Variants in NADK observed in about 807,000 individuals in gnomAD.
NADK encodes the protein NAD kinase.
NADK carries 22 observed loss-of-function variants against 49.8 expected under a neutral mutation model. The ratio of observed to expected loss-of-function variants is 0.44; its 90% CI spans 0.32 to 0.63. NADK has a LOEUF of 0.63. Among genes scored for constraint, NADK ranks in the 30% least tolerant of loss-of-function variants. The pLI, the probability that NADK is intolerant of heterozygous loss-of-function variation, is 0.06. For synonymous variants in NADK, 268 were observed against 253.7 expected, an observed-to-expected ratio of 1.06 and a Z score of -0.54; for missense variants, 438 against 609.4, an observed-to-expected ratio of 0.72 and a Z score of 2.96.
intron 1 of NADK, 31 bp from the exon 2 acceptor site, chr1:1,765,477 A>C: frequency 9.4e-7 from 1 of 1,066,568 alleles, no homozygotes; most frequent in Non-Finnish European, 1.3e-6. Context: ...AATGTAAATA[A>C]AGTAAATAAA....
At position 1,753,596 on chromosome 1, in the gene NADK, C is replaced by T. The variant is rs768238447; in HGVS notation, c.1155G>A (p.Arg385=). Residue 385 remains arginine (R), a synonymous_variant, in exon 11 of 12, where the codon CGG becomes CGA. Coordinates refer to ENST00000341426, the MANE Select transcript of NADK (RefSeq NM_023018.5). ...CTCCATGGCGGATCTCTTGTCTCTTCCGTCCATCAAAGGACACCCATGCTG... is the reference window on the plus strand; with the variant it reads ...CTCCATGGCGGATCTCTTGTCTCTTTCGTCCATCAAAGGACACCCATGCTG... ...RNTAWVSFDG[R]KRQEIRHGDS... The T allele has an allele frequency of 1.2e-6, 2 of 1,612,774 alleles. No individual in the cohort carries two copies. Among genetic ancestry groups the T allele is most frequent in the African/African-American group, 2.7e-5 (2 of 74,934 alleles).
At chr1:1,767,970 C>T (rs958653288) in intron 1 of NADK, among the ~76,000 whole-genome samples, 1 of 151,978 alleles carries the variant, frequency 6.6e-6, no homozygotes, top group Non-Finnish European at 1.5e-5. Flanking sequence ...GTCAGGAGCT[C>T]AAGACCAGCC....
Position 1,756,594 on chromosome 1 carries a change from C to T in NADK, c.408G>A (p.Val136=). 2 of 1,614,096 alleles carry T rather than the reference C, an allele frequency of 1.2e-6. No homozygotes were observed. The highest frequency in any genetic ancestry group is 2.2e-5 in the East Asian group (1 of 44,870). Residue 136 remains valine, a synonymous_variant, in exon 5 of 12, where the codon GTG becomes GTA. Coordinates refer to ENST00000341426, the MANE Select transcript of NADK (RefSeq NM_023018.5). ...CTHLMEENMI[V]YVEKKVLEDP... ...CTTCTAGCACTTTCTTTTCCACATA[C>T]ACGATCATGTTCTCCTGGAAGCAAA...
At chr1:1,769,974 CAAAAA>C (rs1215793192) in intron 1 of NADK, among the ~76,000 whole-genome samples, 1 of 9,272 alleles carries the variant, frequency 1.1e-4, no homozygotes. Flanking sequence ...GCACTCAAAA[CAAAAA>C]CAAAAACAAA....
At chr1:1,767,669 C>T (rs1271961569) in intron 1 of NADK, among the ~76,000 whole-genome samples, 1 of 152,074 alleles carries the variant, frequency 6.6e-6, no homozygotes, top group African/African-American at 2.4e-5. Flanking sequence ...TGTGTCCTCC[C>T]CAAATTTATT....
chr1:1,757,465 C>T (rs1167569872), intron 3 of NADK, among the ~76,000 whole-genome samples, 155 bp from the exon 4 acceptor site: 3 of 152,156 alleles, frequency 2.0e-5, no homozygotes, highest in South Asian at 2.1e-4. Context: ...GGCCTAGGGT[C>T]GCGCCACAGA....
rs1401508028 is a variant in NADK, at chr1:1,752,528, CATTT to C, written c.*372_*375del. ...GCTCAAGGAAGGTTTTTGGCTGAGACATTTATTATCAACATTGAAGGACAGGTCG... is the reference window on the plus strand; with the variant it reads ...GCTCAAGGAAGGTTTTTGGCTGAGACATTATCAACATTGAAGGACAGGTCG... On this transcript the variant is annotated 3_prime_UTR_variant, in exon 12 of 12. Coordinates refer to ENST00000341426, the MANE Select transcript of NADK (RefSeq NM_023018.5). 5.8e-6 allele frequency: 1 copy of C among 172,738 alleles called. No homozygotes were observed. Among genetic ancestry groups the C allele is most frequent in the Non-Finnish European group, 1.2e-5 (1 of 81,802 alleles). The allele number at this position is 172,738 out of a possible 1,614,324, so 10.7% of individuals were successfully genotyped here.
rs552516674 is a variant in NADK at position 1,763,952 on chromosome 1, C to A, written c.179+1276G>T. On this transcript the variant is annotated intron_variant, in intron 2 of 11. Transcript: ENST00000341426. The stretch of plus-strand genomic sequence containing the variant: ...AGCAATTCTGTTCACGCAGTCACTG[C>A]GCTGGGGTGGCCTGGAGGTACAGGA... Among the ~76,000 whole-genome samples, 15 of 152,314 alleles carry A rather than the reference C, an allele frequency of 9.8e-5. 1 individual carries two copies. The East Asian group carries it at 2.7e-3, about 27-fold the overall frequency.
intron 1 of NADK, among the ~76,000 whole-genome samples, chr1:1,770,939 T>C (rs927238535): frequency 1.3e-5 from 2 of 150,908 alleles, no homozygotes; most frequent in African/African-American, 4.9e-5. Flanking sequence ...TCCCAGCTAT[T>C]TGGGAGGCTG....
chr1:1,767,090 A>C (rs1570562326), intron 1 of NADK, among the ~76,000 whole-genome samples: 1 of 151,174 alleles, frequency 6.6e-6, no homozygotes, highest in East Asian at 1.9e-4. Flanking sequence ...AATTTTTTTG[A>C]ATTTTTAGTA....
intron 3 of NADK, among the ~76,000 whole-genome samples, chr1:1,761,287 G>A (rs1049394048): frequency 6.6e-6 from 1 of 152,136 alleles, no homozygotes; most frequent in Non-Finnish European, 1.5e-5. Flanking sequence ...CACCGCAGCT[G>A]ACCAATTTTT....
chr1:1,767,471 G>A (rs1391513762), intron 1 of NADK, among the ~76,000 whole-genome samples: 1 of 152,144 alleles, frequency 6.6e-6, no homozygotes, highest in African/African-American at 2.4e-5. Context: ...AATAAAGCCA[G>A]AAATAGAATA....
intron 1 of NADK, among the ~76,000 whole-genome samples, chr1:1,776,852 G>A (rs1024088082): frequency 1.9e-4 from 29 of 151,716 alleles, no homozygotes; most frequent in African/African-American, 4.8e-4. Context: ...GGAGGCAGGA[G>A]GATCTCTTGA....
intron 1 of NADK, among the ~76,000 whole-genome samples, chr1:1,776,342 T>C (rs1477961354): frequency 6.6e-6 from 1 of 152,320 alleles, no homozygotes; most frequent in East Asian, 1.9e-4. Context: ...CAAACAGGTT[T>C]TTGTGCTAGC....
At chr1:1,765,544 A>G in intron 1 of NADK, 98 bp from the exon 2 acceptor site, 1 of 590,996 alleles carries the variant, frequency 1.7e-6, no homozygotes, top group Non-Finnish European at 2.6e-6. Flanking sequence ...TCAAGGGGAA[A>G]AAATGGCTGA....
intron 3 of NADK, chr1:1,759,829 T>C: frequency 6.4e-7 from 1 of 1,551,982 alleles, no homozygotes; most frequent in Non-Finnish European, 8.7e-7. Context: ...ACCTGTCCGG[T>C]GACCCCGCCC....
At chr1:1,774,697 T>A (rs6603811) in intron 1 of NADK, among the ~76,000 whole-genome samples, 1 of 151,954 alleles carries the variant, frequency 6.6e-6, no homozygotes, top group Non-Finnish European at 1.5e-5. Context: ...TTGACAAGGG[T>A]GAGTCAGGAC....
chr1:1,754,405 A>G lies in NADK; in HGVS notation c.844-22T>C, dbSNP rs1570499704. The G allele has an allele frequency of 6.2e-7, 1 of 1,612,208 alleles. No individual in the cohort carries two copies. The highest frequency in any genetic ancestry group is 1.7e-5 in the Admixed American group (1 of 59,992). On this transcript the variant is annotated intron_variant, in intron 8 of 11. Coordinates refer to ENST00000341426, the MANE Select transcript of NADK (RefSeq NM_023018.5). The surrounding 1 kb of genome is among the most constrained non-coding windows in gnomAD (Gnocchi z 4.3). Reference sequence around the variant, plus strand: ...GGACCTGGAGGGGCGACAGCATTGCACACTCAGGGCGGGGGATGCCGCACG... The same window carrying G: ...GGACCTGGAGGGGCGACAGCATTGCGCACTCAGGGCGGGGGATGCCGCACG...
intron 1 of NADK, among the ~76,000 whole-genome samples, chr1:1,777,885 T>C (rs1376414188): frequency 1.3e-5 from 2 of 152,242 alleles, no homozygotes; most frequent in Non-Finnish European, 1.5e-5. Context: ...TTATTCATAC[T>C]TTCCCACTAG....
Sources: gnomAD v4.1 joint callset for allele counts (sites outside exome capture counted in the v4.1 genomes callset) on GRCh38, gnomAD v4.1.1 for gene constraint, Gnocchi (gnomAD v3.1) non-coding constraint, MANE v1.5 for transcripts, NCBI Gene and HGNC (gene_info 2026-07-23, HGNC 2026-07-21) for gene names.